RNASEH2A: variants seen among roughly 807,000 people sequenced by gnomAD.
RNASEH2A encodes RNase H(35).
A neutral mutation model predicts 32.7 loss-of-function variants in RNASEH2A; 30 were observed. The observed-to-expected ratio is 0.92, with a 90% CI of 0.69 to 1.25. The LOEUF (loss-of-function observed/expected upper bound fraction) is 1.25, where lower values mean the gene tolerates loss of function less well. Ranked by LOEUF, RNASEH2A falls within the 50% of genes most tolerant of loss-of-function variation. The pLI, the probability that RNASEH2A is intolerant of heterozygous loss-of-function variation, is 0.00. For missense variants in RNASEH2A, 409 were observed against 398.1 expected, an observed-to-expected ratio of 1.03 and a Z score of -0.23; for synonymous variants, 147 against 165.4, an observed-to-expected ratio of 0.89 and a Z score of 0.86.
chr19:12,807,022 G>A lies in RNASEH2A; in HGVS notation c.142G>A (p.Ala48Thr), dbSNP rs777734868. ...RGPVLGPMVYAICYCPLPRLA... is the reference protein window; with the variant it reads ...RGPVLGPMVYTICYCPLPRLA... ...CTTCTCCCCAGGCCCCATGGTCTACGCCATCTGTTATTGTCCCCTGCCTCG... is the reference window on the plus strand; with the variant it reads ...CTTCTCCCCAGGCCCCATGGTCTACACCATCTGTTATTGTCCCCTGCCTCG... The change falls in exon 2 of 8, where the codon GCC becomes ACC. Residue 48 changes from alanine to threonine, a missense_variant. Transcript: ENST00000221486. The A allele has an allele frequency of 6.2e-7, 1 of 1,613,976 alleles. No individual in the cohort carries two copies. The highest frequency in any genetic ancestry group is 2.2e-5 in the East Asian group (1 of 44,884).
Position 12,806,611 on chromosome 19 carries a change from C to T in RNASEH2A, c.-63C>T. The T allele has an allele frequency of 2.6e-6, 4 of 1,549,808 alleles. No individual in the cohort carries two copies. The highest frequency in any genetic ancestry group is 2.4e-5 in the South Asian group (2 of 84,106). On this transcript the variant is annotated 5_prime_UTR_variant, in exon 1 of 8. It adds an upstream start codon to the 5' untranslated region. Transcript: ENST00000221486. ...GCGCCGCTTCGAGGCCCGCGGAAAA[C>T]GCGCGCCGAGACCCGCTCCTGCAGT...
chr19:12,810,654 G>A (rs1248389257), intron 6 of RNASEH2A, among the ~76,000 whole-genome samples: 1 of 151,780 alleles, frequency 6.6e-6, no homozygotes, highest in Admixed American at 6.6e-5. Context: ...CCTCAGCCTC[G>A]CGAGTAGCTG....
chr19:12,813,261 C>G, intron 7 of RNASEH2A, 55 bp downstream of exon 7: 1 of 1,613,964 alleles, frequency 6.2e-7, no homozygotes, highest in East Asian at 2.2e-5. Context: ...GGGAGGCCAG[C>G]GTTCAGCCCT....
At position 12,813,066 on chromosome 19, in the gene RNASEH2A, T is replaced by C; in HGVS notation, c.638-17T>C. 2 of 1,613,898 alleles carry C rather than the reference T, an allele frequency of 1.2e-6. No individual in the cohort carries two copies. The highest frequency in any genetic ancestry group is 1.7e-6 in the Non-Finnish European group (2 of 1,179,990). On this transcript the variant is annotated splice_polypyrimidine_tract_variant and intron_variant, in intron 6 of 7. Coordinates refer to ENST00000221486, the MANE Select transcript of RNASEH2A (RefSeq NM_006397.3). ...ATGGTGCAACTTGGACTGTCACCATTGCCCACCCTACCCCAGATCCCAAGA... is the reference window on the plus strand; with the variant it reads ...ATGGTGCAACTTGGACTGTCACCATCGCCCACCCTACCCCAGATCCCAAGA...
intron 4 of RNASEH2A, 38 bp from the exon 5 acceptor site, chr19:12,810,033 T>C (rs753163262): frequency 1.2e-6 from 2 of 1,613,776 alleles, no homozygotes; most frequent in South Asian, 2.2e-5. Flanking sequence ...ATTGGTACAG[T>C]TGTTTGTTCA....
In RNASEH2A at chr19:12,807,451, A is replaced by C; in HGVS notation, c.356A>C (p.Asp119Ala). 1 of 1,614,152 alleles carries C rather than the reference A, an allele frequency of 6.2e-7. No individual in the cohort carries two copies. The highest frequency in any genetic ancestry group is 8.5e-7 in the Non-Finnish European group (1 of 1,180,018). Residue 119 changes from aspartate to alanine, a missense_variant, in exon 4 of 8, where the codon GAT becomes GCT. Physicochemically the swap from Asp to Ala is moderately radical, Grantham distance 126 (BLOSUM62 -2). Coordinates refer to ENST00000221486, the MANE Select transcript of RNASEH2A (RefSeq NM_006397.3). Reference protein sequence around the residue: ...VKYNLNSLSHDTATGLIQYAL... With the variant: ...VKYNLNSLSHATATGLIQYAL... ...TACAACCTGAACTCCCTGTCACATG[A>C]TACAGCCACTGGGCTTATACAGTAT...
chr19:12,811,119 T>C (rs901529731), intron 6 of RNASEH2A, among the ~76,000 whole-genome samples: 1 of 152,164 alleles, frequency 6.6e-6, no homozygotes, highest in Non-Finnish European at 1.5e-5. Flanking sequence ...TCTAAATTGC[T>C]CTGGTCACCC....
At chr19:12,813,255 G>C in intron 7 of RNASEH2A, 49 bp downstream of exon 7, 2 of 1,612,158 alleles carry the variant, frequency 1.2e-6, no homozygotes, top group Non-Finnish European at 1.7e-6. Flanking sequence ...GAAGGAGGGA[G>C]GCCAGCGTTC....
rs1157218789 is a variant in RNASEH2A, at chr19:12,813,194, A to G, written c.749A>G (p.Glu250Gly). Residue 250 changes from glutamate to glycine, a missense_variant, in exon 7 of 8, where the codon GAA (glutamate) becomes GGA (glycine). Glu to Gly is a moderately conservative substitution (Grantham distance 98). Transcript: ENST00000221486. ...CAGACCATCCTGGAGAAAGAGGCGG[A>G]AGATGTTATATGGTGGGTGTCATGG... The part of the protein sequence containing the change: ...TAQTILEKEA[E>G]DVIWEDSASE... 6.2e-7 allele frequency: 1 copy of G among 1,613,962 alleles called. No homozygotes were observed.
rs531408955 is a variant in RNASEH2A, at chr19:12,809,395, G to T, written c.412-676G>T. On this transcript the variant is annotated intron_variant, in intron 4 of 7. Coordinates refer to ENST00000221486, the MANE Select transcript of RNASEH2A (RefSeq NM_006397.3). ...GCCCAGCATCATGAACCTGGTCCCAGCTCAGGGCCTTTGTACTGGCTGTTC... is the reference window on the plus strand; with the variant it reads ...GCCCAGCATCATGAACCTGGTCCCATCTCAGGGCCTTTGTACTGGCTGTTC... 1.3e-4 allele frequency among the ~76,000 whole-genome samples: 20 copies of T among 152,304 alleles called. No homozygotes were observed. In the South Asian group the frequency reaches 3.5e-3, roughly 27 times the overall value.
Position 12,810,127 on chromosome 19 carries a change from T to A in RNASEH2A, c.468T>A (p.Ser156Arg). Residue 156 changes from serine (S) to arginine (R), a missense_variant, in exon 5 of 8, where the codon AGT (serine) becomes AGA (arginine). Coordinates refer to ENST00000221486, the MANE Select transcript of RNASEH2A (RefSeq NM_006397.3). ...PETYQARLQQSFPGIEVTVKA... is the reference protein window; with the variant it reads ...PETYQARLQQRFPGIEVTVKA... ...CATACCAGGCGCGGCTGCAGCAAAG[T>A]TTTCCCGGGATTGAGGTGACGGTCA... 1.2e-6 allele frequency: 2 copies of A among 1,614,124 alleles called. No homozygotes were observed. The highest frequency in any genetic ancestry group is 1.7e-6 in the Non-Finnish European group (2 of 1,180,012).
chr19:12,808,348 G>A (rs1459545427), intron 4 of RNASEH2A, among the ~76,000 whole-genome samples: 1 of 152,220 alleles, frequency 6.6e-6, no homozygotes, highest in Non-Finnish European at 1.5e-5. Flanking sequence ...CATTGCTACT[G>A]TTGATTTCGT....
chr19:12,806,692 G>C lies in RNASEH2A; in HGVS notation c.19G>C (p.Glu7Gln). 1 of 1,574,106 alleles carries C rather than the reference G, an allele frequency of 6.4e-7. No individual in the cohort carries two copies. The highest frequency in any genetic ancestry group is 8.6e-7 in the Non-Finnish European group (1 of 1,159,836). The change falls in exon 1 of 8, where the codon GAG (glutamate) becomes CAG (glutamine). Residue 7 changes from glutamate to glutamine, a missense_variant. Transcript: ENST00000221486. Reference protein sequence around the residue: MDLSELERDNTGRCRLS... With the variant: MDLSELQRDNTGRCRLS... ...AGGCGGCATGGATCTCAGCGAGCTG[G>C]AGAGAGACAATACAGGCCGCTGTCG...
At chr19:12,808,238 C>T (rs1053183834) in intron 4 of RNASEH2A, among the ~76,000 whole-genome samples, 1 of 151,364 alleles carries the variant, frequency 6.6e-6, no homozygotes, top group Non-Finnish European at 1.5e-5. Flanking sequence ...GGGGACAGAG[C>T]GAAAAATAAA....
At chr19:12,808,480 C>G (rs535599816) in intron 4 of RNASEH2A, among the ~76,000 whole-genome samples, 1 of 151,976 alleles carries the variant, frequency 6.6e-6, no homozygotes, top group African/African-American at 2.4e-5. Context: ...CCTACATTGT[C>G]TACCTGTCAC....
chr19:12,807,355 C>A, intron 3 of RNASEH2A, 26 bp downstream of exon 3: 2 of 1,614,164 alleles, frequency 1.2e-6, no homozygotes, highest in Non-Finnish European at 1.7e-6. Flanking sequence ...GAGGGGCAGC[C>A]AGCATGGGCT....
At chr19:12,806,945 C>T (rs1411856751) in intron 1 of RNASEH2A, 63 bp from the exon 2 acceptor site, 2 of 1,606,208 alleles carry the variant, frequency 1.2e-6, no homozygotes, top group Non-Finnish European at 8.5e-7. Flanking sequence ...GGATGAATGG[C>T]AACTTTCACG....
At chr19:12,807,106 A>C in intron 2 of RNASEH2A, 27 bp downstream of exon 2, 1 of 1,614,096 alleles carries the variant, frequency 6.2e-7, no homozygotes, top group Non-Finnish European at 8.5e-7. Flanking sequence ...CGTCTGGGGA[A>C]GGGATTCCTG....
chr19:12,806,594 T>C lies in RNASEH2A; in HGVS notation c.-80T>C. 2.6e-6 allele frequency: 4 copies of C among 1,546,040 alleles called. No individual in the cohort carries two copies. The highest frequency in any genetic ancestry group is 2.0e-5 in the Admixed American group (1 of 50,988). ...GGATTGGCCGGAAGCAGGCGCCGCT[T>C]CGAGGCCCGCGGAAAACGCGCGCCG... On this transcript the variant is annotated 5_prime_UTR_variant, in exon 1 of 8. Coordinates refer to ENST00000221486, the MANE Select transcript of RNASEH2A (RefSeq NM_006397.3).
Sources: gnomAD v4.1 joint callset for allele counts (sites outside exome capture counted in the v4.1 genomes callset) on GRCh38, gnomAD v4.1.1 for gene constraint, MANE v1.5 for transcripts, NCBI Gene and HGNC (gene_info 2026-07-23, HGNC 2026-07-21) for gene names.